Variants in DPP6 observed in about 807,000 individuals in gnomAD.
DPP6 encodes A-type potassium channel modulatory protein DPP6.
DPP6 carries 69 observed loss-of-function variants against 122.6 expected under a neutral mutation model. The ratio of observed to expected loss-of-function variants is 0.56; its 90% CI spans 0.46 to 0.69. The LOEUF is 0.69. Ranked by LOEUF, DPP6 falls within the 30% of genes least tolerant of loss-of-function variation. DPP6 has a pLI of 0.00. For missense variants in DPP6, 928 were observed against 1,116.9 expected (o/e 0.83, Z 2.41); for synonymous variants, 418 against 433.1 (o/e 0.97, Z 0.43).
chr7:154,846,207 A>G (rs1161545912), intron 16 of DPP6, among the ~76,000 whole-genome samples: 1 of 149,998 alleles, frequency 6.7e-6, no homozygotes, highest in Non-Finnish European at 1.5e-5. Context: ...ATATAAATAT[A>G]TATAAATAAA....
At chr7:153,914,096 C>A (rs1379616195) in intron 1 of DPP6, among the ~76,000 whole-genome samples, 1 of 152,052 alleles carries the variant, frequency 6.6e-6, no homozygotes, top group Non-Finnish European at 1.5e-5. Flanking sequence ...AGGGACCTGG[C>A]AGGAGGTAAT....
intron 6 of DPP6, among the ~76,000 whole-genome samples, chr7:154,651,989 T>A (rs1280520575): frequency 6.6e-6 from 1 of 152,210 alleles, no homozygotes; most frequent in Non-Finnish European, 1.5e-5. Flanking sequence ...ATGAAAGGTC[T>A]CAGGTATCCC....
At chr7:154,369,243 C>T (rs532131910) in intron 1 of DPP6, among the ~76,000 whole-genome samples, 5 of 152,278 alleles carry the variant, frequency 3.3e-5, no homozygotes, top group Admixed American at 2.0e-4. Flanking sequence ...TAAAGACACG[C>T]ACCACCACGC....
intron 1 of DPP6, among the ~76,000 whole-genome samples, chr7:154,220,640 G>T (rs76572750): frequency 6.6e-6 from 1 of 152,166 alleles, no homozygotes; most frequent in African/African-American, 2.4e-5. Context: ...GCCACATCTC[G>T]TAAGACATGG....
chr7:154,061,962 G>C (rs1802018579), intron 1 of DPP6, among the ~76,000 whole-genome samples: 1 of 132,674 alleles, frequency 7.5e-6, no homozygotes, highest in Non-Finnish European at 1.7e-5. Flanking sequence ...TGCGAGGGTG[G>C]GGACTGAGAG....
chr7:154,251,268 T>C (rs1484064738), intron 1 of DPP6, among the ~76,000 whole-genome samples: 1 of 152,140 alleles, frequency 6.6e-6, no homozygotes, highest in Non-Finnish European at 1.5e-5. Context: ...GAGGAAGAGC[T>C]ACAGATGGTT....
chr7:154,038,092 C>T (rs1483637286), intron 1 of DPP6, among the ~76,000 whole-genome samples: 11 of 146,922 alleles, frequency 7.5e-5, no homozygotes, highest in Non-Finnish European at 1.5e-5. Context: ...CTGATTTCAG[C>T]AGTTCTTACA....
chr7:154,362,407 AGTTTTTTGTTT>A (rs1478213472), intron 1 of DPP6, among the ~76,000 whole-genome samples: 2 of 151,884 alleles, frequency 1.3e-5, no homozygotes, highest in Non-Finnish European at 2.9e-5. Context: ...CTAGCAATAG[AGTTTTTTGTTT>A]GTTTTTTGCT....
intron 10 of DPP6, among the ~76,000 whole-genome samples, chr7:154,792,002 A>T (rs999026666): frequency 6.6e-6 from 1 of 152,276 alleles, no homozygotes; most frequent in Non-Finnish European, 1.5e-5. Flanking sequence ...TGTACAAAAG[A>T]ACACTATAAA....
At chr7:154,452,582 A>G (rs1386107007) in intron 2 of DPP6, among the ~76,000 whole-genome samples, 2 of 152,224 alleles carry the variant, frequency 1.3e-5, no homozygotes, top group Middle Eastern at 3.2e-3. Context: ...ATTCTGGTTT[A>G]TTGCAACTCA....
chr7:153,813,557 G>C, the DPP6 span, among the ~76,000 whole-genome samples: 1 of 151,984 alleles, frequency 6.6e-6, no homozygotes. Flanking sequence ...GGGATGGCTG[G>C]GTCAAATGGT....
At chr7:153,836,077 T>C in the DPP6 span, among the ~76,000 whole-genome samples, 8 of 152,236 alleles carry the variant, frequency 5.3e-5, no homozygotes, top group African/African-American at 1.9e-4. Context: ...TCCTCTTCCT[T>C]ATCTGATCTC....
chr7:154,504,952 A>T (rs1279571861), intron 3 of DPP6, among the ~76,000 whole-genome samples: 1 of 152,210 alleles, frequency 6.6e-6, no homozygotes, highest in Non-Finnish European at 1.5e-5. Context: ...GCAGTTTAGG[A>T]AAGTAAGGAT....
chr7:153,754,960 A>T, the DPP6 span, among the ~76,000 whole-genome samples: 1 of 151,922 alleles, frequency 6.6e-6, no homozygotes, highest in African/African-American at 2.4e-5. Flanking sequence ...TCTTCTTATA[A>T]TACTTTAAAA....
intron 1 of DPP6, among the ~76,000 whole-genome samples, chr7:153,906,112 G>A (rs556182167): frequency 7.9e-5 from 12 of 152,340 alleles, no homozygotes; most frequent in African/African-American, 2.9e-4. Flanking sequence ...AGATAGAAGA[G>A]ATATATTGTA....
intron 1 of DPP6, among the ~76,000 whole-genome samples, chr7:154,237,878 G>A (rs1408045056): frequency 6.6e-6 from 1 of 152,194 alleles, no homozygotes; most frequent in African/African-American, 2.4e-5. Flanking sequence ...AGCCCTGGGA[G>A]CGTGTAAGTC....
At chr7:154,196,561 T>C (rs73729298) in intron 1 of DPP6, among the ~76,000 whole-genome samples, 9,795 of 152,284 alleles carry the variant, frequency 0.064, 1,057 homozygotes, top group African/African-American at 0.22. Context: ...TTCTGTGTTA[T>C]TCATACTCAT....
intron 1 of DPP6, among the ~76,000 whole-genome samples, chr7:154,413,448 C>G (rs1352980757): frequency 6.6e-6 from 1 of 151,920 alleles, no homozygotes; most frequent in African/African-American, 2.4e-5. Flanking sequence ...GTACTAAAGG[C>G]TTTATGGTAA....
chr7:154,750,441 T>G (rs910743042), intron 8 of DPP6, among the ~76,000 whole-genome samples: 4 of 152,118 alleles, frequency 2.6e-5, no homozygotes, highest in Admixed American at 6.5e-5. Flanking sequence ...CGGCGGGTAG[T>G]GCGGAAAACA....
Sources: gnomAD v4.1 joint callset for allele counts (sites outside exome capture counted in the v4.1 genomes callset) on GRCh38, gnomAD v4.1.1 for gene constraint, MANE v1.5 for transcripts, NCBI Gene and HGNC (gene_info 2026-07-23, HGNC 2026-07-21) for gene names.